Variants in SPMIP2 observed in about 807,000 individuals in gnomAD.
SPMIP2 encodes protein SPMIP2.
the SPMIP2 span, among the ~76,000 whole-genome samples, chr4:158,991,913 T>C: frequency 1.3e-5 from 2 of 152,160 alleles, no homozygotes; most frequent in African/African-American, 4.8e-5. Flanking sequence ...TTTTTTTCCT[T>C]TTTAGAAACA....
At chr4:158,901,986 T>C in the SPMIP2 span, among the ~76,000 whole-genome samples, 2 of 152,106 alleles carry the variant, frequency 1.3e-5, no homozygotes, top group Non-Finnish European at 2.9e-5. Flanking sequence ...AGCCTACTTC[T>C]GTCAATTCAT....
the SPMIP2 span, among the ~76,000 whole-genome samples, chr4:158,914,963 T>C: frequency 6.6e-6 from 1 of 152,218 alleles, no homozygotes. Context: ...CCTCTTGTTT[T>C]CTTTAACTAT....
At chr4:158,953,329 G>A in the SPMIP2 span, among the ~76,000 whole-genome samples, 1 of 152,230 alleles carries the variant, frequency 6.6e-6, no homozygotes, top group Admixed American at 6.5e-5. Context: ...TTGGGCCATG[G>A]CTTCAGAAGG....
chr4:159,073,435 T>A, the SPMIP2 span, among the ~76,000 whole-genome samples: 1 of 152,200 alleles, frequency 6.6e-6, no homozygotes, highest in African/African-American at 2.4e-5. Flanking sequence ...ATTACAGGTG[T>A]GAGCCACCGC....
the SPMIP2 span, among the ~76,000 whole-genome samples, chr4:158,989,627 G>A: frequency 6.6e-6 from 1 of 152,146 alleles, no homozygotes; most frequent in African/African-American, 2.4e-5. Context: ...ACAAGCAATG[G>A]GGAAAGGATT....
the SPMIP2 span, chr4:158,906,687 C>T: frequency 6.6e-6 from 1 of 152,162 alleles, no homozygotes; most frequent in African/African-American, 2.4e-5. Flanking sequence ...AGAACCTAAT[C>T]CTCATATCTA....
chr4:159,039,065 A>G, the SPMIP2 span, among the ~76,000 whole-genome samples: 6 of 152,150 alleles, frequency 3.9e-5, no homozygotes, highest in African/African-American at 1.4e-4. Flanking sequence ...TACAACCTTG[A>G]CTGCCCTGGG....
the SPMIP2 span, among the ~76,000 whole-genome samples, chr4:159,044,700 C>A: frequency 6.6e-6 from 1 of 152,066 alleles, no homozygotes; most frequent in Non-Finnish European, 1.5e-5. Flanking sequence ...GGAGGAAAAG[C>A]CTAATTTTAA....
chr4:158,914,874 C>G, the SPMIP2 span, among the ~76,000 whole-genome samples: 3 of 152,170 alleles, frequency 2.0e-5, no homozygotes, highest in African/African-American at 4.8e-5. Context: ...ACAAACGGTG[C>G]TTTCTCAGCT....
chr4:159,016,771 G>A, the SPMIP2 span, among the ~76,000 whole-genome samples: 8 of 152,144 alleles, frequency 5.3e-5, no homozygotes, highest in African/African-American at 9.7e-5. Context: ...TAGGTGAGCC[G>A]CAGCTGGGCC....
the SPMIP2 span, among the ~76,000 whole-genome samples, chr4:158,999,523 C>G: frequency 6.6e-6 from 1 of 152,118 alleles, no homozygotes. Flanking sequence ...AACATGTAAA[C>G]CTGCTATCTG....
At chr4:158,947,675 A>C in the SPMIP2 span, among the ~76,000 whole-genome samples, 1 of 152,186 alleles carries the variant, frequency 6.6e-6, no homozygotes, top group Non-Finnish European at 1.5e-5. Flanking sequence ...TCAGTAAAGA[A>C]ATTTTATACT....
chr4:158,972,751 G>A, the SPMIP2 span, among the ~76,000 whole-genome samples: 2 of 152,220 alleles, frequency 1.3e-5, no homozygotes, highest in Admixed American at 6.5e-5. Flanking sequence ...TCTTTCCATC[G>A]TCCACGCATG....
the SPMIP2 span, among the ~76,000 whole-genome samples, chr4:158,989,759 A>G: frequency 6.6e-6 from 1 of 152,234 alleles, no homozygotes; most frequent in Non-Finnish European, 1.5e-5. Flanking sequence ...TAAATGTAAG[A>G]CCTAAAACCA....
the SPMIP2 span, among the ~76,000 whole-genome samples, chr4:159,051,641 C>T: frequency 6.6e-6 from 1 of 152,180 alleles, no homozygotes; most frequent in Admixed American, 6.5e-5. Flanking sequence ...TAGAATTTCT[C>T]TCTTTCATTC....
chr4:159,031,525 G>A, the SPMIP2 span, among the ~76,000 whole-genome samples: 2 of 152,300 alleles, frequency 1.3e-5, no homozygotes, highest in South Asian at 2.1e-4. Flanking sequence ...AATGTGTGTT[G>A]GATCCTTATT....
chr4:158,895,711 G>C, the SPMIP2 span: 1 of 1,270,578 alleles, frequency 7.9e-7, no homozygotes, highest in Non-Finnish European at 1.1e-6. Flanking sequence ...GCAGAGATTT[G>C]ACTTCTAGCC....
At chr4:158,963,424 T>C in the SPMIP2 span, among the ~76,000 whole-genome samples, 1 of 152,216 alleles carries the variant, frequency 6.6e-6, no homozygotes, top group Non-Finnish European at 1.5e-5. Context: ...ACCTCAGCCT[T>C]CTCAGTAGCT....
the SPMIP2 span, among the ~76,000 whole-genome samples, chr4:158,989,523 C>A: frequency 6.6e-6 from 1 of 152,152 alleles, no homozygotes; most frequent in African/African-American, 2.4e-5. Context: ...GTACTGGAAC[C>A]AAAACAGATA....
Sources: allele counts gnomAD v4.1 joint callset (sites outside exome capture counted in the v4.1 genomes callset), GRCh38; gene constraint gnomAD v4.1.1; transcripts MANE v1.5; gene names NCBI Gene and HGNC (gene_info 2026-07-23, HGNC 2026-07-21).